KCNH7: variants seen among roughly 807,000 people sequenced by gnomAD.
The protein encoded by KCNH7 is potassium voltage-gated channel subfamily H member 7.
A neutral mutation model predicts 120.8 loss-of-function variants in KCNH7; 49 were observed. The observed-to-expected ratio is 0.41, with a 90% CI of 0.32 to 0.51. KCNH7 has a LOEUF of 0.51. Ranked by LOEUF, KCNH7 falls within the 20% of genes least tolerant of loss-of-function variation. The probability of loss-of-function intolerance (pLI) is 0.38; values close to 1 mark genes in which losing one functional copy is unlikely to be tolerated. For missense variants in KCNH7, 1,097 were observed against 1,446.6 expected, an observed-to-expected ratio of 0.76 and a Z score of 3.92; for synonymous variants, 547 against 516.1, an observed-to-expected ratio of 1.06 and a Z score of -0.81.
intron 6 of KCNH7, among the ~76,000 whole-genome samples, chr2:162,478,995 A>C (rs1689837687): frequency 1.3e-5 from 2 of 152,058 alleles, no homozygotes; most frequent in African/African-American, 4.8e-5. Flanking sequence ...CATACGGGCA[A>C]TTTTTATTTT....
At chr2:162,405,075 C>T (rs1240609539) in intron 9 of KCNH7, among the ~76,000 whole-genome samples, 2 of 151,870 alleles carry the variant, frequency 1.3e-5, no homozygotes, top group African/African-American at 4.8e-5. Context: ...CAAATACTGG[C>T]TTGTATGGGG....
intron 6 of KCNH7, among the ~76,000 whole-genome samples, chr2:162,480,390 G>T (rs562444790): frequency 1.9e-4 from 29 of 152,036 alleles, no homozygotes; most frequent in Non-Finnish European, 3.7e-4. Flanking sequence ...GGATTGGGAG[G>T]GTACCTAAGG....
chr2:162,696,730 G>A (rs1686303573), intron 2 of KCNH7, among the ~76,000 whole-genome samples: 1 of 152,076 alleles, frequency 6.6e-6, no homozygotes, highest in Non-Finnish European at 1.5e-5. Flanking sequence ...AGTTATTGAA[G>A]AAGCTAGCAA....
intron 2 of KCNH7, among the ~76,000 whole-genome samples, chr2:162,637,364 A>G (rs1683997626): frequency 6.6e-6 from 1 of 152,110 alleles, no homozygotes; most frequent in Non-Finnish European, 1.5e-5. Flanking sequence ...ATCATCTTGC[A>G]TTAGTGGAAG....
Position 162,815,047 on chromosome 2 carries a change from A to G in KCNH7, c.307+21490T>C, listed in dbSNP as rs1458763804. Among the ~76,000 whole-genome samples the G allele has an allele frequency of 3.9e-5, 6 of 152,116 alleles. 1 individual carries two copies. The highest frequency in any genetic ancestry group is 3.9e-4 in the Admixed American group (6 of 15,268). ...TTTGTCTGTTACTTTGCCTCCCCCAATAACTAAGTAACAAATATGAACTTT... is the reference window on the plus strand; with the variant it reads ...TTTGTCTGTTACTTTGCCTCCCCCAGTAACTAAGTAACAAATATGAACTTT... On this transcript the variant is annotated intron_variant, in intron 2 of 15. Transcript: ENST00000332142.
chr2:162,582,707 A>G (rs1012680077), intron 2 of KCNH7, among the ~76,000 whole-genome samples: 1 of 152,070 alleles, frequency 6.6e-6, no homozygotes, highest in African/African-American at 2.4e-5. Context: ...ACAACACAGC[A>G]TTTCAAGTGA....
intron 2 of KCNH7, among the ~76,000 whole-genome samples, chr2:162,598,332 G>A (rs760007429): frequency 3.9e-5 from 6 of 151,986 alleles, no homozygotes; most frequent in Non-Finnish European, 8.8e-5. Context: ...TTTCAGGAAA[G>A]TAAGAACACA....
At chr2:162,794,696 T>C (rs113032519) in intron 2 of KCNH7, among the ~76,000 whole-genome samples, 1 of 152,066 alleles carries the variant, frequency 6.6e-6, no homozygotes, top group Non-Finnish European at 1.5e-5. Flanking sequence ...TTGAATTACC[T>C]GAAGTTGCTC....
chr2:162,403,591 C>T (rs1225509860), intron 9 of KCNH7, among the ~76,000 whole-genome samples: 1 of 151,868 alleles, frequency 6.6e-6, no homozygotes, highest in African/African-American at 2.4e-5. Context: ...GGAAGTGACA[C>T]CCATTGGAAA....
chr2:162,431,422 T>G (rs1688063141), intron 8 of KCNH7, among the ~76,000 whole-genome samples: 2 of 152,092 alleles, frequency 1.3e-5, no homozygotes, highest in South Asian at 4.2e-4. Flanking sequence ...TATAGTTAGA[T>G]TTAACTGGGA....
rs773062953 is a variant in KCNH7, at chr2:162,518,066, C to T, written c.556G>A (p.Asp186Asn). Reference protein sequence around the residue: ...PQEDPDVVVIDSSKHSDDSVA... With the variant: ...PQEDPDVVVINSSKHSDDSVA... The stretch of plus-strand genomic sequence containing the variant: ...GAATCATCACTGTGTTTAGATGAAT[C>T]GATGACCACCACATCGGGGTCTTCT... Residue 186 changes from aspartate to asparagine, a missense_variant, in exon 4 of 16, where the codon GAT becomes AAT. Physicochemically the swap from Asp to Asn is conservative, Grantham distance 23 (BLOSUM62 1). This residue lies in a region of KCNH7 where 362 missense variants were observed against 372.2 expected (regional missense o/e 0.97). Transcript: ENST00000332142. 34 of 1,612,184 alleles carry T rather than the reference C, an allele frequency of 2.1e-5. No individual in the cohort carries two copies. Among genetic ancestry groups the T allele is most frequent in the Non-Finnish European group, 2.6e-5 (31 of 1,178,860 alleles).
intron 8 of KCNH7, among the ~76,000 whole-genome samples, chr2:162,431,772 AAATT>A (rs1176505054): frequency 6.6e-6 from 1 of 151,900 alleles, no homozygotes; most frequent in Non-Finnish European, 1.5e-5. Flanking sequence ...TATTCTTAAT[AAATT>A]AATAGAAATA....
chr2:162,517,501 T>C (rs1040196408), intron 4 of KCNH7, among the ~76,000 whole-genome samples: 15 of 151,800 alleles, frequency 9.9e-5, no homozygotes, highest in Non-Finnish European at 1.2e-4. Flanking sequence ...ATGGTTATCA[T>C]ACTATTTCAG....
chr2:162,406,113 G>A (rs1238092536), intron 9 of KCNH7, among the ~76,000 whole-genome samples: 1 of 151,884 alleles, frequency 6.6e-6, no homozygotes, highest in Non-Finnish European at 1.5e-5. Flanking sequence ...TTCAATATTT[G>A]CTGTTTCTAA....
At chr2:162,387,503 A>G in intron 12 of KCNH7, among the ~76,000 whole-genome samples, 1 of 151,334 alleles carries the variant, frequency 6.6e-6, no homozygotes, top group Middle Eastern at 3.4e-3. Flanking sequence ...TCTTAATTCT[A>G]TTTATATTCT....
intron 2 of KCNH7, among the ~76,000 whole-genome samples, chr2:162,830,324 G>T (rs949720352): frequency 6.6e-5 from 10 of 152,132 alleles, no homozygotes; most frequent in Non-Finnish European, 1.2e-4. Flanking sequence ...GAGCAATCAA[G>T]TATGACTGGA....
intron 2 of KCNH7, among the ~76,000 whole-genome samples, chr2:162,697,185 A>C (rs1686323922): frequency 6.6e-6 from 1 of 152,150 alleles, no homozygotes; most frequent in Non-Finnish European, 1.5e-5. Flanking sequence ...CTGAGAAAAG[A>C]ATACACCACC....
chr2:162,828,370 A>G (rs949454692), intron 2 of KCNH7, among the ~76,000 whole-genome samples: 1 of 152,166 alleles, frequency 6.6e-6, no homozygotes, highest in African/African-American at 2.4e-5. Flanking sequence ...CATCATCTTA[A>G]GTCATTGATA....
intron 6 of KCNH7, among the ~76,000 whole-genome samples, chr2:162,448,253 A>T (rs1050174902): frequency 4.6e-5 from 7 of 152,098 alleles, no homozygotes; most frequent in African/African-American, 1.7e-4. Context: ...AGTATAGAGA[A>T]CCAGTGTGTG....
Sources: gnomAD v4.1 joint callset for allele counts (sites outside exome capture counted in the v4.1 genomes callset) on GRCh38, gnomAD v4.1.1 for gene constraint, gnomAD v4.1.1 regional missense constraint, MANE v1.5 for transcripts, NCBI Gene and HGNC (gene_info 2026-07-23, HGNC 2026-07-21) for gene names.